Variants in KCNIP4 observed in about 807,000 individuals in gnomAD.
The protein encoded by KCNIP4 is Kv channel-interacting protein 4.
A neutral mutation model predicts 34.0 loss-of-function variants in KCNIP4; 12 were observed. The ratio of observed to expected loss-of-function variants is 0.35; its 90% confidence interval spans 0.23 to 0.57. The LOEUF (loss-of-function observed/expected upper bound fraction) is 0.57, where lower values mean the gene tolerates loss of function less well. KCNIP4 is among the 20% of genes least tolerant of loss of function. KCNIP4 has a pLI of 0.83. For synonymous variants in KCNIP4, 124 were observed against 102.2 expected (o/e 1.21, Z -1.29); for missense variants, 238 against 311.7 (o/e 0.76, Z 1.78).
chr4:21,262,142 TTTTA>T (rs1288084349), intron 1 of KCNIP4, among the ~76,000 whole-genome samples: 1 of 152,128 alleles, frequency 6.6e-6, no homozygotes, highest in African/African-American at 2.4e-5. Flanking sequence ...AACAGTTCCT[TTTTA>T]TTTATTTTTT....
chr4:21,754,174 T>G (rs201885949), intron 1 of KCNIP4, among the ~76,000 whole-genome samples: 2 of 152,164 alleles, frequency 1.3e-5, no homozygotes, highest in East Asian at 3.9e-4. Flanking sequence ...CTTAATTCGC[T>G]CAATAAAATT....
At chr4:20,872,630 G>C (rs1723604382) in intron 2 of KCNIP4, among the ~76,000 whole-genome samples, 1 of 152,044 alleles carries the variant, frequency 6.6e-6, no homozygotes, top group Non-Finnish European at 1.5e-5. Flanking sequence ...ATGGAAAATA[G>C]GTTGTATAGC....
intron 1 of KCNIP4, among the ~76,000 whole-genome samples, chr4:21,570,008 G>A (rs984283259): frequency 2.0e-5 from 3 of 151,992 alleles, no homozygotes; most frequent in Non-Finnish European, 4.4e-5. Flanking sequence ...GTGACATCAG[G>A]GCTAGAAGTG....
intron 2 of KCNIP4, among the ~76,000 whole-genome samples, chr4:20,864,158 A>C (rs546658891): frequency 1.6e-5 from 2 of 121,362 alleles, no homozygotes; most frequent in Non-Finnish European, 4.1e-5. Context: ...ATGTATGCAT[A>C]CACATGTATG....
chr4:21,578,290 G>T (rs1020845141), intron 1 of KCNIP4, among the ~76,000 whole-genome samples: 1 of 125,744 alleles, frequency 8.0e-6, no homozygotes, highest in African/African-American at 3.1e-5. Context: ...CCGAGATTGC[G>T]CCACTGCACT....
At chr4:21,044,110 G>A (rs1475717477) in intron 1 of KCNIP4, among the ~76,000 whole-genome samples, 2 of 152,112 alleles carry the variant, frequency 1.3e-5, no homozygotes, top group Non-Finnish European at 2.9e-5. Flanking sequence ...ACAATCTGAA[G>A]AGAAGCCCTA....
rs139242046 is a variant in KCNIP4, at chr4:20,777,907, A to C, written c.289-19017T>G. Among the ~76,000 whole-genome samples, 482 of 152,288 alleles carry C rather than the reference A, an allele frequency of 3.2e-3. 1 individual carries two copies. Among genetic ancestry groups the C allele is most frequent in the Middle Eastern group, 0.017 (5 of 294 alleles). On this transcript the variant is annotated intron_variant, in intron 3 of 8. Transcript: ENST00000382152. ...GGTATAGAGATCTCCCAAGGAAAAT[A>C]CCTAATGAAGAAAACCAGGGAGCTG... is the stretch of plus-strand genomic sequence containing the variant.
intron 1 of KCNIP4, chr4:21,303,859 C>T: frequency 4.3e-6 from 7 of 1,614,020 alleles, no homozygotes; most frequent in Non-Finnish European, 5.1e-6. Context: ...TAACAAAAAG[C>T]ACAATGACGA....
chr4:21,263,607 A>G (rs908933673), intron 1 of KCNIP4, among the ~76,000 whole-genome samples: 2 of 152,206 alleles, frequency 1.3e-5, no homozygotes, highest in African/African-American at 2.4e-5. Context: ...TGTTCCTGCC[A>G]GAGCCGGTGC....
At chr4:21,551,635 G>A (rs538684919) in intron 1 of KCNIP4, among the ~76,000 whole-genome samples, 45 of 152,108 alleles carry the variant, frequency 3.0e-4, no homozygotes, top group Non-Finnish European at 6.0e-4. Context: ...AGCTTTTAGA[G>A]TTCTCAATTT....
At chr4:20,905,261 A>G (rs1387458305) in intron 1 of KCNIP4, among the ~76,000 whole-genome samples, 1 of 152,034 alleles carries the variant, frequency 6.6e-6, no homozygotes, top group Non-Finnish European at 1.5e-5. Flanking sequence ...CTGACCTCAC[A>G]TGCCCTTTTC....
intron 1 of KCNIP4, among the ~76,000 whole-genome samples, chr4:21,049,266 T>C (rs983972523): frequency 1.3e-5 from 2 of 152,180 alleles, no homozygotes; most frequent in Non-Finnish European, 2.9e-5. Flanking sequence ...CTTCTGTTTA[T>C]CTTATGTGAG....
intron 4 of KCNIP4, among the ~76,000 whole-genome samples, chr4:20,755,347 T>G (rs1754305130): frequency 1.3e-5 from 2 of 152,250 alleles, no homozygotes. Flanking sequence ...ATCTGACTTT[T>G]GTATGAAACA....
At chr4:20,989,305 T>C (rs923970636) in intron 1 of KCNIP4, among the ~76,000 whole-genome samples, 1 of 152,210 alleles carries the variant, frequency 6.6e-6, no homozygotes. Flanking sequence ...TAGGAATCAT[T>C]TAAAGATAAA....
At chr4:21,568,058 G>A (rs1740055570) in intron 1 of KCNIP4, among the ~76,000 whole-genome samples, 1 of 152,132 alleles carries the variant, frequency 6.6e-6, no homozygotes, top group Non-Finnish European at 1.5e-5. Flanking sequence ...AGAGTCATGA[G>A]TGTGCAACAA....
chr4:20,977,055 ACTC>A (rs1314921849), intron 1 of KCNIP4, among the ~76,000 whole-genome samples: 3 of 151,772 alleles, frequency 2.0e-5, no homozygotes, highest in African/African-American at 7.3e-5. Flanking sequence ...CTGGTCTCAA[ACTC>A]CTGACCTCAG....
chr4:20,906,882 C>A (rs530873005), intron 1 of KCNIP4, among the ~76,000 whole-genome samples: 1 of 152,242 alleles, frequency 6.6e-6, no homozygotes, highest in Admixed American at 6.5e-5. Context: ...AGGAAGGAAC[C>A]ATTCAATAGA....
chr4:21,076,388 C>A (rs2109010701), intron 1 of KCNIP4, among the ~76,000 whole-genome samples: 1 of 152,164 alleles, frequency 6.6e-6, no homozygotes, highest in Middle Eastern at 3.4e-3. Context: ...ATAGCCTGTG[C>A]CACAAAATTA....
At chr4:21,363,719 C>G (rs1560330356) in intron 1 of KCNIP4, among the ~76,000 whole-genome samples, 1 of 151,964 alleles carries the variant, frequency 6.6e-6, no homozygotes, top group Non-Finnish European at 1.5e-5. Flanking sequence ...AACAGGAGCT[C>G]AAAGAGAATC....
Sources: gnomAD v4.1 joint callset for allele counts (sites outside exome capture counted in the v4.1 genomes callset) on GRCh38, gnomAD v4.1.1 for gene constraint, MANE v1.5 for transcripts, NCBI Gene and HGNC (gene_info 2026-07-23, HGNC 2026-07-21) for gene names.